Variants in TASOR2 observed in about 807,000 individuals in gnomAD.
TASOR2 encodes protein TASOR 2.
Under a neutral mutation model 199.5 loss-of-function variants are expected in TASOR2, and 84 were observed. That is an observed-to-expected ratio of 0.42 (90% CI 0.35 to 0.50). TASOR2 has a LOEUF of 0.50. Ranked by LOEUF, TASOR2 falls within the 20% of genes least tolerant of loss-of-function variation. TASOR2 has a pLI of 0.02. For synonymous variants in TASOR2, 1,103 were observed against 1,046.6 expected (o/e 1.05, Z -1.04); for missense variants, 2,796 against 2,835.9 (o/e 0.99, Z 0.32).
exon 15 of TASOR2, chr10:5,746,650 A>T (rs765438957): frequency 1.2e-6 from 2 of 1,613,996 alleles, no homozygotes. Flanking sequence ...TGAACGTACA[A>T]CCTTTAAGAA....
chr10:5,763,688 C>T (rs561145274), exon 21 of TASOR2: 12 of 152,244 alleles, frequency 7.9e-5, no homozygotes, highest in East Asian at 1.9e-4. Flanking sequence ...TTTGGAGCAA[C>T]GGTTTTTGTA....
chr10:5,747,669 A>G (rs371933036), exon 15 of TASOR2: 6 of 1,614,096 alleles, frequency 3.7e-6, no homozygotes, highest in African/African-American at 1.3e-5. Flanking sequence ...AGACACGACC[A>G]TATCAGGCTG....
At chr10:5,735,238 A>G in intron 11 of TASOR2, 66 bp from the exon 13 acceptor site, 1 of 1,543,442 alleles carries the variant, frequency 6.5e-7, no homozygotes, top group South Asian at 1.3e-5. Context: ...AAAACAAAAA[A>G]TGGAAAAGCT....
chr10:5,724,877 TA>T (rs1209756346), intron 8 of TASOR2, among the ~76,000 whole-genome samples: 1 of 151,980 alleles, frequency 6.6e-6, no homozygotes, highest in Non-Finnish European at 1.5e-5. Flanking sequence ...GTTTAATTTA[TA>T]AATTAGGCAC....
At chr10:5,762,610 T>G in exon 20 of TASOR2, 1 of 1,462,474 alleles carries the variant, frequency 6.8e-7, no homozygotes, top group Non-Finnish European at 9.3e-7. Flanking sequence ...ATAGAAAACA[T>G]AGAAAAAATA....
At position 5,748,740 on chromosome 10, in the gene TASOR2, C is replaced by A. The variant is rs1377302911; in HGVS notation, c.5319C>A (p.Ala1773=). The change falls in exon 15 of 21, where the codon GCC becomes GCA. Residue 1773 remains alanine, a synonymous_variant. Transcript: ENST00000328090. The surrounding 1 kb of genome is among the most constrained non-coding windows in gnomAD (Gnocchi z 5.1). Reference sequence around the variant, plus strand: ...AAAACCTCAGTAAAGAGCCTTTGGCCTCCTTTGTTTCAGAATCCTTTGATA... The same window carrying A: ...AAAACCTCAGTAAAGAGCCTTTGGCATCCTTTGTTTCAGAATCCTTTGATA... 3 of 1,614,032 alleles carry A rather than the reference C, an allele frequency of 1.9e-6. No individual in the cohort carries two copies. In the African/African-American group the frequency reaches 4.0e-5, roughly 22 times the overall value.
chr10:5,691,206 A>AG (rs1249368198), intron 1 of TASOR2, among the ~76,000 whole-genome samples: 1 of 150,084 alleles, frequency 6.7e-6, no homozygotes, highest in Non-Finnish European at 1.5e-5. Context: ...AAAAAAAAAG[A>AG]AAGTTATATG....
In TASOR2 at chr10:5,752,257, C is replaced by A. The variant is rs1309461458; in HGVS notation, c.6606+2230C>A. The stretch of plus-strand genomic sequence containing the variant: ...GAAAACACTGATTAAAAGAGTCACA[C>A]AAATAAATGTGAAATGAAAGTGATG... On this transcript the variant is annotated intron_variant, in intron 15 of 20. Coordinates refer to ENST00000328090, the Ensembl canonical transcript of TASOR2. The surrounding 1 kb of genome is among the most constrained non-coding windows in gnomAD (Gnocchi z 4.4). 6.6e-6 allele frequency among the ~76,000 whole-genome samples: 1 copy of A among 152,180 alleles called. No individual in the cohort carries two copies. The highest frequency in any genetic ancestry group is 1.5e-5 in the Non-Finnish European group (1 of 68,042).
At chr10:5,760,686 A>C (rs769869235) in intron 18 of TASOR2, among the ~76,000 whole-genome samples, 11 of 152,330 alleles carry the variant, frequency 7.2e-5, no homozygotes, top group Admixed American at 2.0e-4. Context: ...ATACAGGAAA[A>C]AGTGAAAGGA....
Position 5,720,739 on chromosome 10 carries a change from T to C in TASOR2, c.27-16T>C, listed in dbSNP as rs1307761781. The C allele has an allele frequency of 1.2e-6, 2 of 1,613,774 alleles. No homozygotes were observed. Among genetic ancestry groups the C allele is most frequent in the South Asian group, 1.1e-5 (1 of 91,020 alleles). On this transcript the variant is annotated splice_polypyrimidine_tract_variant and intron_variant, in intron 4 of 20. Coordinates refer to ENST00000328090, the Ensembl canonical transcript of TASOR2. The surrounding 1 kb of genome is among the most constrained non-coding windows in gnomAD (Gnocchi z 5.3). ...TACTCTTGTAAACATGTTCTTTTTC[T>C]TTCTTTTTCTGCTAGACTTGAACGC... is the stretch of plus-strand genomic sequence containing the variant.
At position 5,685,305 on chromosome 10, in the gene TASOR2, G is replaced by C; in HGVS notation, c.-288+130G>C. ...ACGCGTTCTCCTTGCCTTTTGCCGCGCTCCGGGTGAGGGGGTGGGAGGGGT... is the reference window on the plus strand; with the variant it reads ...ACGCGTTCTCCTTGCCTTTTGCCGCCCTCCGGGTGAGGGGGTGGGAGGGGT... On this transcript the variant is annotated intron_variant, in intron 1 of 20. Coordinates refer to ENST00000328090, the Ensembl canonical transcript of TASOR2. This position sits in a 1 kb window ranked among gnomAD's most constrained non-coding sequence, Gnocchi z 5.4. The C allele has an allele frequency of 7.6e-6, 3 of 396,432 alleles. No homozygotes were observed. The highest frequency in any genetic ancestry group is 1.3e-5 in the Non-Finnish European group (3 of 225,062). 24.6% of individuals were successfully genotyped at this position (396,432 alleles called of 1,614,324 possible).
intron 1 of TASOR2, among the ~76,000 whole-genome samples, chr10:5,696,676 C>T (rs1474187641): frequency 1.3e-5 from 2 of 152,070 alleles, no homozygotes; most frequent in African/African-American, 2.4e-5. Context: ...TTAAATGCCT[C>T]ACATTTGAGT....
intron 11 of TASOR2, among the ~76,000 whole-genome samples, chr10:5,732,439 G>A (rs1027513451): frequency 6.6e-6 from 1 of 152,224 alleles, no homozygotes; most frequent in African/African-American, 2.4e-5. Flanking sequence ...AGTTTGCCAA[G>A]CCAATCTGTA....
chr10:5,714,034 C>T, intron 2 of TASOR2, 101 bp from the exon 3 acceptor site: 1 of 546,670 alleles, frequency 1.8e-6, no homozygotes, highest in East Asian at 3.6e-5. Flanking sequence ...GACCTTGTCT[C>T]TATTGTATAA....
rs1366748438 is a variant in TASOR2, at chr10:5,742,238, T to C, written c.2469T>C (p.Tyr823=). The change falls in exon 14 of 21, where the codon TAT becomes TAC. Residue 823 remains tyrosine (Y), a synonymous_variant. Transcript: ENST00000328090. The surrounding 1 kb of genome is among the most constrained non-coding windows in gnomAD (Gnocchi z 4.2). The stretch of plus-strand genomic sequence containing the variant: ...TAGAACACAGCAACCCAGCAAAATA[T>C]GTGTCTATAAATAGCACGTTAGAAT... 1.2e-6 allele frequency: 2 copies of C among 1,614,168 alleles called. No homozygotes were observed. Among genetic ancestry groups the C allele is most frequent in the Non-Finnish European group, 8.5e-7 (1 of 1,180,022 alleles).
In TASOR2 at chr10:5,742,158, G is replaced by A; in HGVS notation, c.2389G>A (p.Val797Ile). 6.2e-7 allele frequency: 1 copy of A among 1,614,124 alleles called. No individual in the cohort carries two copies. Among genetic ancestry groups the A allele is most frequent in the Non-Finnish European group, 8.5e-7 (1 of 1,180,010 alleles). Reference sequence around the variant, plus strand: ...AGTGAAGCTTTTACTTCATATGTGGGTAGCTCTGTTTTACAGCAATCAGAA... The same window carrying A: ...AGTGAAGCTTTTACTTCATATGTGGATAGCTCTGTTTTACAGCAATCAGAA... Residue 797 changes from valine (V) to isoleucine (I), a missense_variant, in exon 14 of 21, where the codon GTA becomes ATA. Around this residue, in one of 3 missense-constraint regions of TASOR2, gnomAD observed 1,941 missense variants for 1,924.9 expected, o/e 1.01. Coordinates refer to ENST00000328090, the Ensembl canonical transcript of TASOR2. This position sits in a 1 kb window ranked among gnomAD's most constrained non-coding sequence, Gnocchi z 4.2.
chr10:5,742,283 TGAG>T lies in TASOR2; in HGVS notation c.2518_2520del (p.Glu840del), dbSNP rs776507664. ...TAGAATCTTGTGAGCTCCGTGAAAT[TGAG>T]GAGTCCCTTGGTTTGGAAAAATGTT... On this transcript the variant is annotated inframe_deletion, in exon 14 of 21. Transcript: ENST00000328090. The surrounding 1 kb of genome is among the most constrained non-coding windows in gnomAD (Gnocchi z 4.2). 32 of 1,614,068 alleles carry T rather than the reference TGAG, an allele frequency of 2.0e-5. No individual in the cohort carries two copies. Among genetic ancestry groups the T allele is most frequent in the Non-Finnish European group, 2.6e-5 (31 of 1,180,022 alleles).
At chr10:5,756,093 C>T (rs1221733697) in intron 15 of TASOR2, among the ~76,000 whole-genome samples, 2 of 152,078 alleles carry the variant, frequency 1.3e-5, no homozygotes, top group Non-Finnish European at 2.9e-5. Flanking sequence ...ATTAGGGAGC[C>T]ATTCTGTGTG....
Position 5,722,662 on chromosome 10 carries a change from A to G in TASOR2, c.147-1015A>G, listed in dbSNP as rs997017409. Among the ~76,000 whole-genome samples, 2 of 152,108 alleles carry G rather than the reference A, an allele frequency of 1.3e-5. No individual in the cohort carries two copies. Among genetic ancestry groups the G allele is most frequent in the Admixed American group, 6.6e-5 (1 of 15,266 alleles). ...AGGGTATTAAAGAGTTCTTTGTCCT[A>G]TGTTTGCAACTTTTGTATAAGTGTA... On this transcript the variant is annotated intron_variant, in intron 6 of 20. Coordinates refer to ENST00000328090, the Ensembl canonical transcript of TASOR2. This position sits in a 1 kb window ranked among gnomAD's most constrained non-coding sequence, Gnocchi z 4.0.
Sources: allele counts gnomAD v4.1 joint callset (sites outside exome capture counted in the v4.1 genomes callset), GRCh38; gene constraint gnomAD v4.1.1; regional missense constraint gnomAD v4.1.1; non-coding constraint Gnocchi (gnomAD v3.1); transcripts MANE v1.5; gene names NCBI Gene and HGNC (gene_info 2026-07-23, HGNC 2026-07-21).